PCDHGA1: variants seen among roughly 807,000 people sequenced by gnomAD.
The protein encoded by PCDHGA1 is protocadherin gamma subfamily A, 1, also known as protocadherin gamma-A1.
Under a neutral mutation model 58.0 loss-of-function variants are expected in PCDHGA1, and 32 were observed. The ratio of observed to expected loss-of-function variants is 0.55; its 90% confidence interval spans 0.42 to 0.74. The LOEUF is 0.74. Among genes scored for constraint, PCDHGA1 ranks in the 30% least tolerant of loss-of-function variants. The probability of loss-of-function intolerance (pLI) is 0.00; values close to 1 mark genes in which losing one functional copy is unlikely to be tolerated. For missense variants in PCDHGA1, 1,205 were observed against 1,182.3 expected (o/e 1.02, Z -0.28); for synonymous variants, 498 against 501.1 (o/e 0.99, Z 0.08).
chr5:141,360,783 T>A (rs1453026686), intron 1 of PCDHGA1: 1 of 1,613,928 alleles, frequency 6.2e-7, no homozygotes, highest in East Asian at 2.2e-5. Flanking sequence ...CAGCTGTGGA[T>A]GGCGGAGACC....
intron 1 of PCDHGA1, chr5:141,422,019 G>T (rs777239843): frequency 1.9e-6 from 3 of 1,610,862 alleles, no homozygotes; most frequent in Non-Finnish European, 2.5e-6. Context: ...GGGTGCTGAT[G>T]GTTAATGCAA....
At chr5:141,414,198 A>G (rs1561747621) in intron 1 of PCDHGA1, 2 of 1,611,542 alleles carry the variant, frequency 1.2e-6, no homozygotes, top group Non-Finnish European at 1.7e-6. Flanking sequence ...TGATTACAGT[A>G]GAAGATGTAA....
intron 1 of PCDHGA1, chr5:141,351,832 C>A: frequency 1.2e-6 from 2 of 1,613,246 alleles, no homozygotes; most frequent in Non-Finnish European, 1.7e-6. Context: ...TGCGCGCCTT[C>A]GAGCTCACAC....
intron 1 of PCDHGA1, chr5:141,478,595 T>A: frequency 6.4e-7 from 1 of 1,567,880 alleles, no homozygotes; most frequent in Non-Finnish European, 8.7e-7. Flanking sequence ...TTTTTATTCC[T>A]ACATCATATT....
At chr5:141,386,234 T>A (rs570347588) in intron 1 of PCDHGA1, among the ~76,000 whole-genome samples, 2 of 152,292 alleles carry the variant, frequency 1.3e-5, no homozygotes, top group Admixed American at 6.5e-5. Context: ...TACTGAAAAA[T>A]TCAGTTGGAA....
intron 1 of PCDHGA1, chr5:141,345,929 G>A: frequency 1.2e-6 from 2 of 1,613,502 alleles, no homozygotes; most frequent in Admixed American, 1.7e-5. Context: ...CGCGAGCCCT[G>A]CTGGACAGAG....
At chr5:141,374,511 T>A in intron 1 of PCDHGA1, 2 of 1,611,912 alleles carry the variant, frequency 1.2e-6, no homozygotes, top group Non-Finnish European at 8.5e-7. Flanking sequence ...GTGAAAATTC[T>A]CGAAAACGCA....
Position 141,448,649 on chromosome 5 carries a change from T to C in PCDHGA1, c.2422-46158T>C, listed in dbSNP as rs181402439. 1.4e-3 allele frequency among the ~76,000 whole-genome samples: 218 copies of C among 152,220 alleles called. 1 individual carries two copies. Among genetic ancestry groups the C allele is most frequent in the African/African-American group, 5.0e-3 (206 of 41,530 alleles). On this transcript the variant is annotated intron_variant, in intron 1 of 3. Transcript: ENST00000517417. ...CTTCACATTATATCCTTTAAAAATA[T>C]TTCCATATTGGCCGGGCGCGGTGGC...
intron 1 of PCDHGA1, chr5:141,355,282 G>A (rs1759783448): frequency 2.5e-6 from 4 of 1,613,774 alleles, no homozygotes; most frequent in Non-Finnish European, 3.4e-6. Flanking sequence ...GGAAATCAGG[G>A]CCGAACAGAT....
At position 141,485,683 on chromosome 5, in the gene PCDHGA1, T is replaced by C. The variant is rs2099617681; in HGVS notation, c.2422-9124T>C. ...TGGGGAGCAATTCGATTAGCAGCTA[T>C]AGGCTGAGCTCCAATGAACACTTTG... On this transcript the variant is annotated intron_variant, in intron 1 of 3. Coordinates refer to ENST00000517417, the MANE Select transcript of PCDHGA1 (RefSeq NM_018912.3). This position sits in a 1 kb window ranked among gnomAD's most constrained non-coding sequence, Gnocchi z 5.7. 3.7e-6 allele frequency: 6 copies of C among 1,614,042 alleles called. No individual in the cohort carries two copies. The South Asian group carries it at 4.4e-5, about 12-fold the overall frequency.
chr5:141,418,282 A>C, intron 1 of PCDHGA1: 1 of 1,614,030 alleles, frequency 6.2e-7, no homozygotes, highest in Non-Finnish European at 8.5e-7. Flanking sequence ...TAAACTTAGA[A>C]ATCAGTGAAT....
rs545421792 is a variant in PCDHGA1 at position 141,414,806 on chromosome 5, C to T, written c.2422-80001C>T. ...GTGACAGCCAGCGACAGCGGGGATC[C>T]TCCACTCAGCAGCAACGTGTCGTTG... On this transcript the variant is annotated intron_variant, in intron 1 of 3. Coordinates refer to ENST00000517417, the MANE Select transcript of PCDHGA1 (RefSeq NM_018912.3). 2.2e-5 allele frequency: 36 copies of T among 1,614,244 alleles called. No individual in the cohort carries two copies. The South Asian group carries it at 3.1e-4, about 14-fold the overall frequency.
intron 1 of PCDHGA1, chr5:141,410,354 T>C (rs2095384532): frequency 3.7e-6 from 6 of 1,614,048 alleles, no homozygotes; most frequent in Non-Finnish European, 5.1e-6. Context: ...CCTGCGACGC[T>C]CTCTCAGCCC....
chr5:141,466,746 T>C (rs1035272591), intron 1 of PCDHGA1, among the ~76,000 whole-genome samples: 1 of 152,224 alleles, frequency 6.6e-6, no homozygotes, highest in African/African-American at 2.4e-5. Context: ...GTTACTCTGA[T>C]AGGGGCTCTT....
At chr5:141,450,190 G>A (rs1368992094) in intron 1 of PCDHGA1, among the ~76,000 whole-genome samples, 1 of 151,588 alleles carries the variant, frequency 6.6e-6, no homozygotes, top group African/African-American at 2.4e-5. Flanking sequence ...GCTAATTTTT[G>A]TATTTTTAGT....
chr5:141,475,862 T>G, intron 1 of PCDHGA1: 1 of 492,756 alleles, frequency 2.0e-6, no homozygotes, highest in Non-Finnish European at 3.6e-6. Context: ...GCTAGCTCAT[T>G]CTTCGTGCAG....
Position 141,344,025 on chromosome 5 carries a change from G to T in PCDHGA1, c.2421+10920G>T, listed in dbSNP as rs777463041. On this transcript the variant is annotated intron_variant, in intron 1 of 3. Transcript: ENST00000517417. ...CCGAATTCAGAGAAAGCGATTCACC[G>T]AAAAGGAAATGACCAATTGCCTGAG... The T allele has an allele frequency of 4.6e-6, 7 of 1,527,384 alleles. No homozygotes were observed. In the South Asian group the frequency reaches 7.9e-5, roughly 17 times the overall value. 94.6% of individuals were successfully genotyped at this position (1,527,384 alleles called of 1,614,324 possible). A position where few individuals can be genotyped will look rare whatever the true frequency, so the allele number is the denominator to read the frequency against.
intron 1 of PCDHGA1, chr5:141,410,309 T>G: frequency 6.2e-7 from 1 of 1,613,998 alleles, no homozygotes; most frequent in Non-Finnish European, 8.5e-7. Flanking sequence ...CTCAGTGCTC[T>G]TCCTCCTCGC....
At chr5:141,379,889 C>CTTTTTTATTTTTTTTTTTTTTTTTTTTTT (rs1775946036) in intron 1 of PCDHGA1, among the ~76,000 whole-genome samples, 1 of 50,830 alleles carries the variant, frequency 2.0e-5, no homozygotes, top group Non-Finnish European at 3.9e-5. Context: ...GTGAAAGCCT[C>CTTTTTTATTTTTTTTTTTTTTTTTTTTTT]TTTTTTTTTT....
Sources: gnomAD v4.1 joint callset for allele counts (sites outside exome capture counted in the v4.1 genomes callset) on GRCh38, gnomAD v4.1.1 for gene constraint, Gnocchi (gnomAD v3.1) non-coding constraint, MANE v1.5 for transcripts, NCBI Gene and HGNC (gene_info 2026-07-23, HGNC 2026-07-21) for gene names.